Variants in SOX5 observed in about 807,000 individuals in gnomAD.
The protein encoded by SOX5 is SRY-box transcription factor 5, also known as transcription factor SOX-5.
A neutral mutation model predicts 92.0 loss-of-function variants in SOX5; 9 were observed. The ratio of observed to expected loss-of-function variants is 0.10; its 90% CI spans 0.06 to 0.17. SOX5 has a LOEUF of 0.17. Ranked by LOEUF, SOX5 falls within the 10% of genes least tolerant of loss-of-function variation. The probability of loss-of-function intolerance (pLI) is 1.00; values close to 1 mark genes in which losing one functional copy is unlikely to be tolerated. For synonymous variants in SOX5, 344 were observed against 336.3 expected (o/e 1.02, Z -0.25); for missense variants, 642 against 944.5 (o/e 0.68, Z 4.20).
At chr12:23,878,976 A>T (rs766068097) in intron 2 of SOX5, among the ~76,000 whole-genome samples, 3 of 152,124 alleles carry the variant, frequency 2.0e-5, no homozygotes, top group Non-Finnish European at 4.4e-5. Flanking sequence ...AGTTTGCCAG[A>T]ATCTTCTCCT....
intron 4 of SOX5, among the ~76,000 whole-genome samples, chr12:23,981,834 C>A (rs1268442304): frequency 6.6e-6 from 1 of 152,112 alleles, no homozygotes; most frequent in Non-Finnish European, 1.5e-5. Context: ...ATTCATAAAA[C>A]ACAATTCCTT....
intron 9 of SOX5, among the ~76,000 whole-genome samples, chr12:23,579,630 G>T (rs1195490462): frequency 6.6e-6 from 1 of 151,954 alleles, no homozygotes; most frequent in African/African-American, 2.4e-5. Flanking sequence ...TTTCTGGCAT[G>T]CATTCTTATA....
At chr12:23,968,099 T>C (rs1947800662) in intron 4 of SOX5, among the ~76,000 whole-genome samples, 1 of 152,194 alleles carries the variant, frequency 6.6e-6, no homozygotes, top group South Asian at 2.1e-4. Context: ...AAATAAATAG[T>C]TGATGCCAGA....
chr12:23,999,176 GTA>G lies in SOX5; in HGVS notation c.-1-103154_-1-103153del, dbSNP rs1491436533. On this transcript the variant is annotated intron_variant, in intron 4 of 4. Transcript: ENST00000446891. ...TGTGTGTGTGTGTGTGTGTGTGTGTGTACCATTGCTTCTCTTAAGTGATTTAA... is the reference window on the plus strand; with the variant it reads ...TGTGTGTGTGTGTGTGTGTGTGTGTGCCATTGCTTCTCTTAAGTGATTTAA... Among the ~76,000 whole-genome samples, 561 of 144,624 alleles carry G rather than the reference GTA, an allele frequency of 3.9e-3. 4 individuals carry two copies. Among genetic ancestry groups the G allele is most frequent in the Middle Eastern group, 0.011 (3 of 280 alleles). 94.9% of individuals were successfully genotyped at this position (144,624 alleles called of 152,430 possible).
intron 9 of SOX5, among the ~76,000 whole-genome samples, chr12:23,586,208 C>T (rs1950711768): frequency 6.6e-6 from 1 of 152,096 alleles, no homozygotes; most frequent in African/African-American, 2.4e-5. Context: ...ACAACAAGGC[C>T]ACTTAATTAG....
chr12:23,669,314 G>A (rs1446996254), intron 6 of SOX5, among the ~76,000 whole-genome samples: 3 of 152,018 alleles, frequency 2.0e-5, no homozygotes, highest in African/African-American at 7.2e-5. Context: ...GGCCTGAATA[G>A]GTAAGGAGCA....
intron 4 of SOX5, among the ~76,000 whole-genome samples, chr12:24,087,628 C>T (rs1031963546): frequency 6.6e-6 from 1 of 152,000 alleles, no homozygotes; most frequent in East Asian, 1.9e-4. Flanking sequence ...GAATTGTGAA[C>T]GTGGTATATT....
intron 2 of SOX5, among the ~76,000 whole-genome samples, chr12:24,328,730 G>A (rs1014863554): frequency 2.6e-5 from 4 of 152,186 alleles, no homozygotes; most frequent in South Asian, 2.1e-4. Context: ...ACTTTTGGAG[G>A]TGTGGGAGAT....
At chr12:24,029,651 C>A (rs1188521818) in intron 4 of SOX5, among the ~76,000 whole-genome samples, 1 of 151,972 alleles carries the variant, frequency 6.6e-6, no homozygotes, top group Non-Finnish European at 1.5e-5. Flanking sequence ...CTGCGTTGAG[C>A]TCCTAATTGC....
intron 1 of SOX5, among the ~76,000 whole-genome samples, chr12:24,550,603 G>A (rs1011775915): frequency 1.3e-5 from 2 of 152,000 alleles, no homozygotes; most frequent in African/African-American, 2.4e-5. Context: ...AAGAAATATC[G>A]GAAAGATTAT....
intron 1 of SOX5, among the ~76,000 whole-genome samples, chr12:24,541,773 T>G (rs1952150886): frequency 6.6e-6 from 1 of 152,120 alleles, no homozygotes; most frequent in South Asian, 2.1e-4. Context: ...AACATAAATG[T>G]AAAAGGAGAA....
rs556372943 is a variant in SOX5 at position 24,286,017 on chromosome 12, C to T, written c.-173-8705G>A. Among the ~76,000 whole-genome samples the T allele has an allele frequency of 1.1e-3, 169 of 152,114 alleles. 1 individual carries two copies. Among genetic ancestry groups the T allele is most frequent in the Middle Eastern group, 6.8e-3 (2 of 294 alleles). On this transcript the variant is annotated intron_variant, in intron 2 of 4. Transcript: ENST00000446891. The stretch of plus-strand genomic sequence containing the variant: ...TTTTAAAATATGAAAACATCTAAAA[C>T]AGAAATGATGGACTTAATCCACAAG...
chr12:23,580,810 C>T (rs1204900921), intron 9 of SOX5, among the ~76,000 whole-genome samples: 1 of 151,920 alleles, frequency 6.6e-6, no homozygotes, highest in African/African-American at 2.4e-5. Flanking sequence ...ACTATAGAGG[C>T]CTTAATCAGT....
At chr12:23,899,888 T>A (rs539577660) in intron 1 of SOX5, among the ~76,000 whole-genome samples, 43 of 152,246 alleles carry the variant, frequency 2.8e-4, no homozygotes, top group Non-Finnish European at 5.0e-4. Flanking sequence ...AAAGAATAAA[T>A]ACTAATGAAA....
At chr12:24,201,273 A>G (rs535768775) in intron 4 of SOX5, among the ~76,000 whole-genome samples, 1 of 152,272 alleles carries the variant, frequency 6.6e-6, no homozygotes, top group African/African-American at 2.4e-5. Context: ...AGAAAATTTT[A>G]TATTTTGTTA....
chr12:24,286,807 T>C (rs10842313), intron 2 of SOX5, among the ~76,000 whole-genome samples: 144,600 of 152,316 alleles, frequency 0.95, 69,132 homozygotes, highest in East Asian at 1. Context: ...TTAGGGTGTA[T>C]GAAGGGCTGT....
chr12:24,185,007 T>C (rs1955872856), intron 4 of SOX5, among the ~76,000 whole-genome samples: 1 of 152,110 alleles, frequency 6.6e-6, no homozygotes, highest in South Asian at 2.1e-4. Context: ...CAGAGTAGTG[T>C]GTTAGATCCA....
intron 4 of SOX5, among the ~76,000 whole-genome samples, chr12:24,155,240 T>C (rs1356305043): frequency 1.3e-5 from 2 of 152,142 alleles, no homozygotes; most frequent in African/African-American, 2.4e-5. Flanking sequence ...GAGATGAGAA[T>C]TTAGTCAGCC....
intron 8 of SOX5, 32 bp downstream of exon 8, chr12:23,640,780 C>G (rs199609287): frequency 1.3e-6 from 2 of 1,519,092 alleles, no homozygotes; most frequent in East Asian, 2.3e-5. Context: ...TTTACTTAAC[C>G]TTTGTCTCCT....
Sources: gnomAD v4.1 joint callset for allele counts (sites outside exome capture counted in the v4.1 genomes callset) on GRCh38, gnomAD v4.1.1 for gene constraint, MANE v1.5 for transcripts, NCBI Gene and HGNC (gene_info 2026-07-23, HGNC 2026-07-21) for gene names.